The following IMMP2L variants were observed in gnomAD, a reference collection of about 807,000 sequenced individuals.
The protein encoded by IMMP2L is inner mitochondrial membrane peptidase subunit 2.
Under a neutral mutation model 19.3 loss-of-function variants are expected in IMMP2L, and 18 were observed. The observed-to-expected ratio is 0.93, with a 90% CI of 0.64 to 1.38. The LOEUF is 1.38. Ranked by LOEUF, IMMP2L falls within the 40% of genes most tolerant of loss-of-function variation. The pLI is 0.00. For synonymous variants in IMMP2L, 76 were observed against 73.0 expected (o/e 1.04, Z -0.21); for missense variants, 233 against 218.2 (o/e 1.07, Z -0.43).
chr7:111,115,323 T>C (rs935058261), intron 3 of IMMP2L, among the ~76,000 whole-genome samples: 2 of 152,232 alleles, frequency 1.3e-5, no homozygotes, highest in African/African-American at 4.8e-5. Flanking sequence ...TTTGTTTTAC[T>C]AATCATGTAC....
chr7:110,900,258 C>T (rs758159099), intron 4 of IMMP2L, among the ~76,000 whole-genome samples: 5 of 152,122 alleles, frequency 3.3e-5, no homozygotes, highest in Non-Finnish European at 7.3e-5. Context: ...GACACCCTGC[C>T]ATGTAGGCCA....
chr7:111,113,450 G>A (rs1471862764), intron 3 of IMMP2L, among the ~76,000 whole-genome samples: 1 of 151,846 alleles, frequency 6.6e-6, no homozygotes, highest in African/African-American at 2.4e-5. Flanking sequence ...AGTAGTGCTT[G>A]CAAGATCAGA....
At chr7:111,050,664 G>A (rs1381682476) in intron 3 of IMMP2L, among the ~76,000 whole-genome samples, 1 of 152,120 alleles carries the variant, frequency 6.6e-6, no homozygotes, top group East Asian at 1.9e-4. Context: ...CCGTTTCGGG[G>A]TGACTCAATG....
rs1373510508 is a variant in IMMP2L at position 111,288,005 on chromosome 7, AC to A, written c.239+199232del. ...ATAATGAAATGCCTTGCATAGGTAA[AC>A]ATCAAAAATTACCAACATTACATTT... On this transcript the variant is annotated intron_variant, in intron 3 of 5. Transcript: ENST00000405709. Among the ~76,000 whole-genome samples the A allele has an allele frequency of 2.6e-5, 4 of 152,212 alleles. No homozygotes were observed. The East Asian group carries it at 7.7e-4, about 29-fold the overall frequency.
intron 5 of IMMP2L, among the ~76,000 whole-genome samples, chr7:110,678,401 A>G (rs1179701193): frequency 1.3e-5 from 2 of 152,178 alleles, no homozygotes; most frequent in African/African-American, 4.8e-5. Flanking sequence ...ATTGTGTACT[A>G]TAAGTTTCCT....
intron 4 of IMMP2L, among the ~76,000 whole-genome samples, chr7:110,920,933 G>A (rs1814208828): frequency 6.6e-6 from 1 of 152,014 alleles, no homozygotes; most frequent in Non-Finnish European, 1.5e-5. Context: ...TAACACTACA[G>A]ACTTTATTTA....
chr7:110,895,356 G>A (rs2129546583), intron 4 of IMMP2L, among the ~76,000 whole-genome samples: 1 of 152,210 alleles, frequency 6.6e-6, no homozygotes, highest in East Asian at 1.9e-4. Context: ...ACCCTATATG[G>A]ATGAGTCTTT....
intron 3 of IMMP2L, among the ~76,000 whole-genome samples, chr7:111,182,010 A>T (rs1807762918): frequency 1.3e-5 from 2 of 152,086 alleles, no homozygotes; most frequent in Non-Finnish European, 2.9e-5. Flanking sequence ...TTACTTTAAT[A>T]AAAAGAATTA....
intron 2 of IMMP2L, among the ~76,000 whole-genome samples, chr7:111,500,595 C>T (rs1844116099): frequency 6.6e-6 from 1 of 152,152 alleles, no homozygotes; most frequent in Non-Finnish European, 1.5e-5. Flanking sequence ...CCGGGTACTC[C>T]TCTGAGACAA....
chr7:111,177,161 C>T (rs1317714619), intron 3 of IMMP2L, among the ~76,000 whole-genome samples: 3 of 151,826 alleles, frequency 2.0e-5, no homozygotes, highest in Non-Finnish European at 2.9e-5. Flanking sequence ...TTTCACAATG[C>T]CCTGCTTTTA....
At chr7:110,665,644 T>C (rs1168179584) in intron 5 of IMMP2L, among the ~76,000 whole-genome samples, 1 of 152,226 alleles carries the variant, frequency 6.6e-6, no homozygotes, top group African/African-American at 2.4e-5. Flanking sequence ...GTCATATATC[T>C]GGAATTGCTT....
intron 3 of IMMP2L, among the ~76,000 whole-genome samples, chr7:111,363,431 A>T (rs1829444130): frequency 6.6e-6 from 1 of 152,150 alleles, no homozygotes; most frequent in South Asian, 2.1e-4. Context: ...TGTAAAAAAC[A>T]TACCTCTTGT....
At chr7:111,392,049 C>A in intron 3 of IMMP2L, 1 of 698,830 alleles carries the variant, frequency 1.4e-6, no homozygotes, top group Non-Finnish European at 2.6e-6. Flanking sequence ...TCATTACCAG[C>A]TTGATTGCAT....
chr7:110,770,211 A>G (rs553803823), intron 5 of IMMP2L, among the ~76,000 whole-genome samples: 3 of 152,338 alleles, frequency 2.0e-5, no homozygotes, highest in Admixed American at 6.5e-5. Flanking sequence ...TTTTCTGTAA[A>G]GAACTCAGGG....
intron 3 of IMMP2L, among the ~76,000 whole-genome samples, chr7:111,259,795 C>CCTT (rs1303962573): frequency 2.6e-5 from 4 of 151,886 alleles, no homozygotes; most frequent in African/African-American, 7.3e-5. Flanking sequence ...TTTCTTTAAA[C>CCTT]CTTTATAAGT....
rs117036497 is a variant in IMMP2L at position 110,935,671 on chromosome 7, C to T, written c.305+27829G>A. On this transcript the variant is annotated intron_variant, in intron 4 of 5. Coordinates refer to ENST00000405709, the MANE Select transcript of IMMP2L (RefSeq NM_032549.4). ...ATGCACATCAAGCTACTACTGTTGA[C>T]TTTCTTCACAGAATTAGAAAAAAAT... Among the ~76,000 whole-genome samples, 1,429 of 152,152 alleles carry T rather than the reference C, an allele frequency of 9.4e-3. 10 individuals carry two copies. The highest frequency in any genetic ancestry group is 0.013 in the Non-Finnish European group (867 of 68,002).
At chr7:111,447,340 C>G (rs890260457) in intron 3 of IMMP2L, among the ~76,000 whole-genome samples, 3 of 139,590 alleles carry the variant, frequency 2.1e-5, no homozygotes, top group Admixed American at 1.4e-4. Context: ...GGAAGCCCAT[C>G]AGACTAACAG....
At chr7:111,511,805 C>A (rs998866751) in intron 2 of IMMP2L, among the ~76,000 whole-genome samples, 9 of 152,104 alleles carry the variant, frequency 5.9e-5, no homozygotes, top group Admixed American at 1.3e-4. Context: ...CCCCCAACAC[C>A]ATGGTGTCAG....
At chr7:111,483,113 T>C (rs1728307206) in intron 3 of IMMP2L, among the ~76,000 whole-genome samples, 1 of 152,168 alleles carries the variant, frequency 6.6e-6, no homozygotes, top group Non-Finnish European at 1.5e-5. Flanking sequence ...TTTCCTGGTT[T>C]CAATACTTGA....
Sources: gnomAD v4.1 joint callset for allele counts (sites outside exome capture counted in the v4.1 genomes callset) on GRCh38, gnomAD v4.1.1 for gene constraint, MANE v1.5 for transcripts, NCBI Gene and HGNC (gene_info 2026-07-23, HGNC 2026-07-21) for gene names.